Variants in BCAT2 observed in about 807,000 individuals in gnomAD.
BCAT2 encodes branched chain amino acid transaminase 2, also known as branched-chain-amino-acid aminotransferase, mitochondrial.
A neutral mutation model predicts 52.9 loss-of-function variants in BCAT2; 44 were observed. That is an observed-to-expected ratio of 0.83 (90% CI 0.65 to 1.07). The LOEUF is 1.07. Among genes scored for constraint, BCAT2 ranks in the 50% least tolerant of loss-of-function variants. The pLI is 0.00. For synonymous variants in BCAT2, 215 were observed against 217.1 expected, an observed-to-expected ratio of 0.99 and a Z score of 0.08; for missense variants, 478 against 521.8, an observed-to-expected ratio of 0.92 and a Z score of 0.82.
At chr19:48,808,089 C>G (rs1310269090) in intron 1 of BCAT2, 1 of 987,274 alleles carries the variant, frequency 1.0e-6, no homozygotes, top group East Asian at 1.1e-4. Flanking sequence ...GGCGTGGTCA[C>G]TTGTCGCTAG....
rs899986854 is a variant in BCAT2 at position 48,797,581 on chromosome 19, C to T, written c.696-248G>A. 13 of 463,358 alleles carry T rather than the reference C, an allele frequency of 2.8e-5. No individual in the cohort carries two copies. The East Asian group carries it at 3.0e-4, about 11-fold the overall frequency. 28.7% of individuals were successfully genotyped at this position (463,358 alleles called of 1,614,324 possible). A position where few individuals can be genotyped will look rare whatever the true frequency, so the allele number is the denominator to read the frequency against. On this transcript the variant is annotated intron_variant, in intron 6 of 10. Transcript: ENST00000316273. ...TTCTTTTTTTTTTAAGACGGAGTCTCGCTCTGTCACCCAGGCTGGAGTGCA... is the reference window on the plus strand; with the variant it reads ...TTCTTTTTTTTTTAAGACGGAGTCTTGCTCTGTCACCCAGGCTGGAGTGCA...
chr19:48,803,293 A>G (rs1370363904), intron 3 of BCAT2, among the ~76,000 whole-genome samples: 1 of 152,010 alleles, frequency 6.6e-6, no homozygotes, highest in Non-Finnish European at 1.5e-5. Context: ...CTGAGGCAGG[A>G]GGATCACTTG....
At chr19:48,798,791 A>ATTTTTTTTTTTT (rs34719140) in intron 6 of BCAT2, 2 of 132,800 alleles carry the variant, frequency 1.5e-5, no homozygotes, top group Admixed American at 7.7e-5. Context: ...AGCCCGGCTA[A>ATTTTTTTTTTTT]TTTTTTTTTT....
chr19:48,795,275 G>T lies in BCAT2; in HGVS notation c.*151C>A. 2 of 1,008,016 alleles carry T rather than the reference G, an allele frequency of 2.0e-6. No homozygotes were observed. Among genetic ancestry groups the T allele is most frequent in the Non-Finnish European group, 3.0e-6 (2 of 673,548 alleles). 62.4% of individuals were successfully genotyped at this position (1,008,016 alleles called of 1,614,324 possible). A position where few individuals can be genotyped will look rare whatever the true frequency, so the allele number is the denominator to read the frequency against. On this transcript the variant is annotated 3_prime_UTR_variant, in exon 11 of 11. Transcript: ENST00000316273. ...TGGGTCGGCCCTTACGGCTTTGGGAGTGTCGCAACCACATGGGGGCGCCAG... is the reference window on the plus strand; with the variant it reads ...TGGGTCGGCCCTTACGGCTTTGGGATTGTCGCAACCACATGGGGGCGCCAG...
intron 3 of BCAT2, 102 bp downstream of exon 3, chr19:48,806,415 A>T (rs2034780481): frequency 1.4e-6 from 2 of 1,436,758 alleles, no homozygotes; most frequent in Non-Finnish European, 1.9e-6. Flanking sequence ...AGAAAGGAGA[A>T]ACACACAACA....
At chr19:48,802,390 TA>T (rs2034675805) in intron 3 of BCAT2, among the ~76,000 whole-genome samples, 1 of 150,082 alleles carries the variant, frequency 6.7e-6, no homozygotes, top group African/African-American at 2.4e-5. Context: ...AGCCTCTAGA[TA>T]CATTTGCACT....
In BCAT2 at chr19:48,807,046, G is replaced by A; in HGVS notation, c.53C>T (p.Pro18Leu). Residue 18 changes from proline to leucine, a missense_variant, in exon 2 of 11, where the codon CCT becomes CTT. Transcript: ENST00000316273. This position sits in a 1 kb window ranked among gnomAD's most constrained non-coding sequence, Gnocchi z 4.6. The stretch of plus-strand genomic sequence containing the variant: ...TCTTCTGGGACCACACAGAAGCCAA[G>A]GGACAGAGAGAAGCTTTCGTGCCCA... ...QIWARKLLSV[P>L]WLLCGPRRYA... 1 of 1,613,998 alleles carries A rather than the reference G, an allele frequency of 6.2e-7. No homozygotes were observed.
intron 6 of BCAT2, among the ~76,000 whole-genome samples, chr19:48,797,933 C>T (rs2034567569): frequency 1.3e-5 from 2 of 151,792 alleles, no homozygotes; most frequent in Admixed American, 6.6e-5. Context: ...TCTCGTGCCT[C>T]AGCCTCCTGA....
intron 1 of BCAT2, 80 bp downstream of exon 1, chr19:48,810,904 C>G (rs1009186748): frequency 2.8e-5 from 43 of 1,563,086 alleles, no homozygotes; most frequent in Non-Finnish European, 3.2e-5. Context: ...CGAGTCGGAC[C>G]GGCTGCAGGC....
intron 6 of BCAT2, chr19:48,798,718 G>A (rs1055579532): frequency 3.3e-5 from 5 of 151,740 alleles, no homozygotes; most frequent in Non-Finnish European, 7.3e-5. Context: ...TCTGTCTCCT[G>A]GGTTCTCGCC....
intron 3 of BCAT2, among the ~76,000 whole-genome samples, chr19:48,801,343 C>CA (rs1045845019): frequency 7.3e-5 from 11 of 151,492 alleles, no homozygotes; most frequent in African/African-American, 1.9e-4. Flanking sequence ...ACCACCACCA[C>CA]AAAAATGAGG....
chr19:48,797,001 G>A lies in BCAT2; in HGVS notation c.860C>T (p.Pro287Leu), dbSNP rs755519492. 12 of 1,614,024 alleles carry A rather than the reference G, an allele frequency of 7.4e-6. No individual in the cohort carries two copies. The highest frequency in any genetic ancestry group is 3.3e-5 in the Admixed American group (2 of 59,996). Residue 287 changes from proline to leucine, a missense_variant, in exon 8 of 11, where the codon CCG becomes CTG. Physicochemically the swap from Pro to Leu is moderately conservative, Grantham distance 98. Transcript: ENST00000316273. ...EDGVLELVTP[P>L]LNGVILPGVV... is the part of the protein sequence containing the mutation. ...TCCAGGCAGGATAACACCATTCAGC[G>A]GGGGCGTCACCAGCTCCAGCACTAG...
chr19:48,806,809 GAGA>G (rs749048351), intron 2 of BCAT2, 92 bp from the exon 3 acceptor site: 136 of 1,494,890 alleles, frequency 9.1e-5, no homozygotes, highest in Non-Finnish European at 1.1e-4. Flanking sequence ...CAGACCCATA[GAGA>G]AGAAGGACCT....
intron 1 of BCAT2, 122 bp downstream of exon 1, chr19:48,810,862 G>A (rs1050781893): frequency 6.5e-7 from 1 of 1,528,918 alleles, no homozygotes; most frequent in East Asian, 2.6e-5. Context: ...TCCGCGCCCT[G>A]CAGCGGAACC....
At position 48,807,050 on chromosome 19, in the gene BCAT2, C is replaced by CAG. The variant is rs763388954; in HGVS notation, c.47_48dup (p.Val17LeufsTer26). 4 of 1,613,802 alleles carry CAG rather than the reference C, an allele frequency of 2.5e-6. No individual in the cohort carries two copies. The African/African-American group carries it at 5.3e-5, about 22-fold the overall frequency. On this transcript the variant is annotated frameshift_variant, in exon 2 of 11. Coordinates refer to ENST00000316273, the MANE Select transcript of BCAT2 (RefSeq NM_001190.4). LOFTEE classifies it high-confidence loss of function. This position sits in a 1 kb window ranked among gnomAD's most constrained non-coding sequence, Gnocchi z 4.6. ...CTGGGACCACACAGAAGCCAAGGGA[C>CAG]AGAGAGAAGCTTTCGTGCCCAGATC... is the stretch of plus-strand genomic sequence containing the variant.
At chr19:48,810,802 C>T in intron 1 of BCAT2, 182 bp downstream of exon 1, 3 of 1,436,518 alleles carry the variant, frequency 2.1e-6, no homozygotes, top group Non-Finnish European at 2.7e-6. Context: ...TACCTGCTCC[C>T]CCTCACCCCA....
Position 48,807,612 on chromosome 19 carries a change from C to A in BCAT2, c.25-538G>T. On this transcript the variant is annotated intron_variant, in intron 1 of 10. Transcript: ENST00000316273. This position sits in a 1 kb window ranked among gnomAD's most constrained non-coding sequence, Gnocchi z 4.6. ...CAGACCCTGGAGTCCAGGCCTCAGACCCTCCTCCCTTACATCCAGGAGTAC... is the reference window on the plus strand; with the variant it reads ...CAGACCCTGGAGTCCAGGCCTCAGAACCTCCTCCCTTACATCCAGGAGTAC... The A allele has an allele frequency of 1.4e-6, 1 of 724,378 alleles. No individual in the cohort carries two copies. Among genetic ancestry groups the A allele is most frequent in the South Asian group, 5.8e-5 (1 of 17,206 alleles). The allele number at this position is 724,378 out of a possible 1,614,324, so 44.9% of individuals were successfully genotyped here.
In BCAT2 at chr19:48,799,659, T is replaced by G; in HGVS notation, c.695+16A>C. On this transcript the variant is annotated intron_variant, in intron 6 of 10. Coordinates refer to ENST00000316273, the MANE Select transcript of BCAT2 (RefSeq NM_001190.4). This position sits in a 1 kb window ranked among gnomAD's most constrained non-coding sequence, Gnocchi z 5.5. Reference sequence around the variant, plus strand: ...CCCAGTGCGCCAGTCGTTCTGGGGATGGGGGTGCTACTTACCCACCTAACT... The same window carrying G: ...CCCAGTGCGCCAGTCGTTCTGGGGAGGGGGGTGCTACTTACCCACCTAACT... 1 of 1,555,748 alleles carries G rather than the reference T, an allele frequency of 6.4e-7. No individual in the cohort carries two copies. The highest frequency in any genetic ancestry group is 8.7e-7 in the Non-Finnish European group (1 of 1,154,504).
chr19:48,807,233 A>G lies in BCAT2; in HGVS notation c.25-159T>C. On this transcript the variant is annotated intron_variant, in intron 1 of 10. Coordinates refer to ENST00000316273, the MANE Select transcript of BCAT2 (RefSeq NM_001190.4). The surrounding 1 kb of genome is among the most constrained non-coding windows in gnomAD (Gnocchi z 4.6). ...GGGCAGGTGGTCCTGAAGGAGGCCA[A>G]GTCCCCTCCCTGCCCTGACGAGGGC... 4.8e-6 allele frequency: 3 copies of G among 623,100 alleles called. No homozygotes were observed. The South Asian group carries it at 5.9e-5, about 12-fold the overall frequency. 38.6% of individuals were successfully genotyped at this position (623,100 alleles called of 1,614,324 possible). A position where few individuals can be genotyped will look rare whatever the true frequency, so the allele number is the denominator to read the frequency against.
Sources: allele counts gnomAD v4.1 joint callset (sites outside exome capture counted in the v4.1 genomes callset), GRCh38; gene constraint gnomAD v4.1.1; non-coding constraint Gnocchi (gnomAD v3.1); transcripts MANE v1.5; gene names NCBI Gene and HGNC (gene_info 2026-07-23, HGNC 2026-07-21).